The following GRIA3 variants were observed in gnomAD, a reference collection of about 807,000 sequenced individuals.
GRIA3 encodes the protein glutamate ionotropic receptor AMPA type subunit 3.
A neutral mutation model predicts 63.0 loss-of-function variants in GRIA3; 3 were observed. The ratio of observed to expected loss-of-function variants is 0.05; its 90% CI spans 0.02 to 0.12. The LOEUF is 0.12. Among genes scored for constraint, GRIA3 ranks in the 10% least tolerant of loss-of-function variants. The pLI, the probability that GRIA3 is intolerant of heterozygous loss-of-function variation, is 1.00. For synonymous variants in GRIA3, 274 were observed against 257.9 expected (o/e 1.06, Z -0.60); for missense variants, 347 against 700.9 (o/e 0.50, Z 5.70).
At chrX:123,200,827 G>A (rs763935470) in intron 2 of GRIA3, among the ~76,000 whole-genome samples, 2 of 111,030 alleles carry the variant, frequency 1.8e-5, no homozygotes, top group Admixed American at 9.6e-5. Flanking sequence ...TTCCTCCACC[G>A]GGTAGGGCAA....
At chrX:123,436,172 C>T (rs1378798739) in intron 12 of GRIA3, among the ~76,000 whole-genome samples, 2 of 111,241 alleles carry the variant, frequency 1.8e-5, no homozygotes, top group East Asian at 5.6e-4. Flanking sequence ...GCACATGTAT[C>T]CTGGAACTTA....
chrX:123,258,602 C>T (rs2044432514), intron 3 of GRIA3, among the ~76,000 whole-genome samples: 1 of 111,850 alleles, frequency 8.9e-6, no homozygotes, highest in Non-Finnish European at 1.9e-5. Flanking sequence ...TGCAGCCAGA[C>T]TCTCGTGCAC....
At chrX:123,297,575 T>A (rs189904173) in intron 3 of GRIA3, among the ~76,000 whole-genome samples, 57 of 111,624 alleles carry the variant, frequency 5.1e-4, no homozygotes, top group Non-Finnish European at 9.1e-4. Context: ...AGGTTACACT[T>A]TTTCATTTAT....
intron 3 of GRIA3, among the ~76,000 whole-genome samples, chrX:123,275,244 T>G (rs1337539782): frequency 8.9e-6 from 1 of 112,151 alleles, no homozygotes; most frequent in South Asian, 3.8e-4. Flanking sequence ...ATACTTTGCA[T>G]GAATTCGCTC....
At chrX:123,342,390 T>G (rs191365895) in intron 4 of GRIA3, among the ~76,000 whole-genome samples, 1 of 112,344 alleles carries the variant, frequency 8.9e-6, no homozygotes, top group East Asian at 2.8e-4. Flanking sequence ...AACACAGGTT[T>G]GGTTATCTTC....
chrX:123,463,608 G>GA (rs2045808999), intron 12 of GRIA3, among the ~76,000 whole-genome samples: 159 of 20,308 alleles, frequency 7.8e-3, no homozygotes, highest in Non-Finnish European at 0.011. Context: ...GGGAGGGAGG[G>GA]AGGGAAAGAA....
At chrX:123,260,396 G>T (rs1436009064) in intron 3 of GRIA3, among the ~76,000 whole-genome samples, 1 of 16,092 alleles carries the variant, frequency 6.2e-5, no homozygotes, top group Non-Finnish European at 1.4e-4. Context: ...AATTATGAAA[G>T]AAAGAAAGAC....
intron 14 of GRIA3, among the ~76,000 whole-genome samples, chrX:123,481,342 A>G (rs953297664): frequency 7.1e-5 from 8 of 112,074 alleles, no homozygotes; most frequent in Non-Finnish European, 1.5e-4. Context: ...CATTCATCCT[A>G]AAAGAGTGAC....
chrX:123,243,401 C>T (rs1423179488), intron 2 of GRIA3, among the ~76,000 whole-genome samples: 1 of 111,952 alleles, frequency 8.9e-6, no homozygotes, highest in Non-Finnish European at 1.9e-5. Context: ...ATTCATCTTG[C>T]ATTATCCTCT....
At chrX:123,350,700 T>C (rs2045088831) in intron 4 of GRIA3, among the ~76,000 whole-genome samples, 1 of 111,952 alleles carries the variant, frequency 8.9e-6, no homozygotes, top group Admixed American at 9.4e-5. Context: ...CCAGAATGGG[T>C]TGACTATGAT....
intron 7 of GRIA3, among the ~76,000 whole-genome samples, chrX:123,401,609 A>G (rs1247973148): frequency 8.9e-6 from 1 of 112,128 alleles, no homozygotes; most frequent in Non-Finnish European, 1.9e-5. Context: ...TTGGACAATC[A>G]TCTTGTTTTC....
intron 3 of GRIA3, among the ~76,000 whole-genome samples, chrX:123,318,884 C>T (rs2044849901): frequency 9.0e-6 from 1 of 111,688 alleles, no homozygotes; most frequent in South Asian, 3.8e-4. Flanking sequence ...AAGACATACC[C>T]GAAAGTGGGA....
rs771205448 is a variant in GRIA3 at position 123,253,453 on chromosome X, A to G, written c.419A>G (p.Gln140Arg). The G allele has an allele frequency of 1.1e-5, 13 of 1,208,343 alleles. No individual in the cohort carries two copies. Among genetic ancestry groups the G allele is most frequent in the Non-Finnish European group, 1.5e-5 (13 of 893,858 alleles). ...PTDADVQFVI[Q>R]MRPALKGAIL... ...GACGCAGATGTGCAGTTTGTCATCC[A>G]GATGCGCCCAGCCTTGAAGGGCGCT... is the stretch of plus-strand genomic sequence containing the variant. The change falls in exon 3 of 16, where the codon CAG (glutamine) becomes CGG (arginine). Residue 140 changes from glutamine to arginine, a missense_variant. By Grantham distance (43) the Gln-to-Arg change is conservative. Transcript: ENST00000620443.
At chrX:123,250,826 C>G in intron 2 of GRIA3, among the ~76,000 whole-genome samples, 1 of 112,012 alleles carries the variant, frequency 8.9e-6, no homozygotes, top group East Asian at 2.8e-4. Context: ...TTGAGGCATA[C>G]TTATACTAAA....
At chrX:123,311,889 A>G (rs1357466304) in intron 3 of GRIA3, among the ~76,000 whole-genome samples, 1 of 112,336 alleles carries the variant, frequency 8.9e-6, no homozygotes. Context: ...ATGTTGGAAT[A>G]ATTTCAGTCA....
chrX:123,251,594 C>T (rs1425254271), intron 2 of GRIA3, among the ~76,000 whole-genome samples: 2 of 110,306 alleles, frequency 1.8e-5, no homozygotes, highest in Non-Finnish European at 3.8e-5. Context: ...CGCCACCATG[C>T]CCAGCTAATT....
chrX:123,322,388 A>T (rs1404105931), intron 3 of GRIA3, among the ~76,000 whole-genome samples: 1 of 112,022 alleles, frequency 8.9e-6, no homozygotes, highest in Admixed American at 9.5e-5. Context: ...TGCTCAAGTA[A>T]AAGTAGTTTT....
At chrX:123,278,325 C>A (rs2044566766) in intron 3 of GRIA3, among the ~76,000 whole-genome samples, 1 of 112,152 alleles carries the variant, frequency 8.9e-6, no homozygotes, top group Admixed American at 9.4e-5. Context: ...GGATATTAAC[C>A]CCTTGTCACA....
At chrX:123,284,115 A>G (rs980973650) in intron 3 of GRIA3, among the ~76,000 whole-genome samples, 5 of 112,533 alleles carry the variant, frequency 4.4e-5, no homozygotes, top group African/African-American at 1.6e-4. Flanking sequence ...CAGGGTCTGG[A>G]GTGGACTTCC....
Sources: allele counts gnomAD v4.1 joint callset (sites outside exome capture counted in the v4.1 genomes callset), GRCh38; gene constraint gnomAD v4.1.1; transcripts MANE v1.5; gene names NCBI Gene and HGNC (gene_info 2026-07-23, HGNC 2026-07-21).